TRPM7: variants seen among roughly 807,000 people sequenced by gnomAD.
TRPM7 encodes LTRPC ion channel family member 7.
TRPM7 carries 134 observed loss-of-function variants against 229.7 expected under a neutral mutation model. The ratio of observed to expected loss-of-function variants is 0.58; its 90% CI spans 0.51 to 0.67. TRPM7 has a LOEUF of 0.67. TRPM7 is among the 30% of genes least tolerant of loss of function. TRPM7 has a pLI of 0.00. For synonymous variants in TRPM7, 699 were observed against 715.2 expected, an observed-to-expected ratio of 0.98 and a Z score of 0.36; for missense variants, 1,901 against 2,210.0, an observed-to-expected ratio of 0.86 and a Z score of 2.80.
chr15:50,672,165 T>G (rs1230282650), intron 1 of TRPM7, among the ~76,000 whole-genome samples: 1 of 152,098 alleles, frequency 6.6e-6, no homozygotes, highest in Non-Finnish European at 1.5e-5. Flanking sequence ...GCCATTCTCC[T>G]GCCTCAGCCT....
intron 3 of TRPM7, among the ~76,000 whole-genome samples, chr15:50,657,454 C>A (rs1004197107): frequency 6.6e-6 from 1 of 152,148 alleles, no homozygotes; most frequent in Non-Finnish European, 1.5e-5. Context: ...AGGCCCAAAT[C>A]TCTCAAATCT....
intron 21 of TRPM7, among the ~76,000 whole-genome samples, chr15:50,601,602 A>G (rs1317145314): frequency 6.6e-6 from 1 of 152,192 alleles, no homozygotes; most frequent in East Asian, 1.9e-4. Flanking sequence ...AGATCGCGCC[A>G]CTGAACTCCA....
chr15:50,631,617 T>C (rs892674990), intron 9 of TRPM7, 128 bp from the exon 10 acceptor site: 5 of 507,042 alleles, frequency 9.9e-6, no homozygotes, highest in Admixed American at 3.3e-5. Flanking sequence ...CTATGTATTA[T>C]GTATATATAA....
intron 20 of TRPM7, 152 bp from the exon 21 acceptor site, chr15:50,605,296 G>T: frequency 1.5e-6 from 1 of 687,974 alleles, no homozygotes; most frequent in Non-Finnish European, 2.2e-6. Context: ...TATTGCCCAG[G>T]GTGGAGTGCA....
intron 1 of TRPM7, among the ~76,000 whole-genome samples, chr15:50,666,923 TTC>T (rs1219612852): frequency 2.0e-5 from 3 of 152,206 alleles, no homozygotes; most frequent in African/African-American, 7.2e-5. Flanking sequence ...GTAGCCATTC[TTC>T]TGTTTCTTTA....
chr15:50,569,137 C>T (rs1196507200), intron 38 of TRPM7, among the ~76,000 whole-genome samples: 4 of 152,040 alleles, frequency 2.6e-5, no homozygotes, highest in Non-Finnish European at 5.9e-5. Context: ...TGAGCTCAAG[C>T]GATCCTCTGG....
intron 38 of TRPM7, 64 bp downstream of exon 38, chr15:50,569,823 G>T: frequency 2.0e-6 from 2 of 996,480 alleles, no homozygotes; most frequent in Non-Finnish European, 1.5e-6. Context: ...CTGGCCTTAT[G>T]AGGTATTGTA....
chr15:50,570,919 A>G (rs1235074803), intron 36 of TRPM7, among the ~76,000 whole-genome samples: 1 of 152,128 alleles, frequency 6.6e-6, no homozygotes, highest in African/African-American at 2.4e-5. Context: ...AACCACACAC[A>G]TTAACACATA....
chr15:50,637,330 A>T (rs1218118160), intron 7 of TRPM7, 92 bp downstream of exon 7: 3 of 1,157,576 alleles, frequency 2.6e-6, no homozygotes, highest in African/African-American at 3.1e-5. Context: ...TGTAAGAAAG[A>T]GCACTTCAAA....
At chr15:50,584,224 A>T (rs558037424) in intron 28 of TRPM7, among the ~76,000 whole-genome samples, 2 of 152,342 alleles carry the variant, frequency 1.3e-5, no homozygotes, top group South Asian at 4.1e-4. Context: ...TCTCAGAACA[A>T]AATTTGTATT....
intron 1 of TRPM7, among the ~76,000 whole-genome samples, chr15:50,680,430 T>C (rs1219318749): frequency 1.3e-5 from 2 of 150,082 alleles, no homozygotes; most frequent in Admixed American, 6.7e-5. Flanking sequence ...AGTAGCCCAA[T>C]GTGGTGGCGC....
chr15:50,610,106 A>G (rs919408179), intron 17 of TRPM7, 145 bp from the exon 18 acceptor site: 5 of 603,482 alleles, frequency 8.3e-6, no homozygotes, highest in Non-Finnish European at 1.4e-5. Context: ...GGGAAAAAAA[A>G]CAACAAATTG....
At chr15:50,650,322 C>T (rs1329487495) in intron 3 of TRPM7, among the ~76,000 whole-genome samples, 2 of 151,776 alleles carry the variant, frequency 1.3e-5, no homozygotes, top group African/African-American at 2.4e-5. Context: ...TTCCCACCAG[C>T]CAGAGTAGAG....
At chr15:50,649,807 A>G (rs1037471666) in intron 3 of TRPM7, among the ~76,000 whole-genome samples, 1 of 152,146 alleles carries the variant, frequency 6.6e-6, no homozygotes, top group Non-Finnish European at 1.5e-5. Context: ...AAGCCAAGGC[A>G]GCTAGAGTTT....
rs117651690 is a variant in TRPM7, at chr15:50,643,800, C to G, written c.322-247G>C. Among the ~76,000 whole-genome samples the G allele has an allele frequency of 7.9e-3, 1,201 of 152,260 alleles. 9 individuals carry two copies. Among genetic ancestry groups the G allele is most frequent in the Non-Finnish European group, 0.014 (928 of 68,018 alleles). Reference sequence around the variant, plus strand: ...TTTAAACATTTAGACACAAATGTTACTCTTTCTGTTTAAACTCAATTACCA... The same window carrying G: ...TTTAAACATTTAGACACAAATGTTAGTCTTTCTGTTTAAACTCAATTACCA... On this transcript the variant is annotated intron_variant, in intron 4 of 38. Transcript: ENST00000646667.
chr15:50,649,429 C>A (rs1343256579), intron 3 of TRPM7, among the ~76,000 whole-genome samples: 1 of 147,290 alleles, frequency 6.8e-6, no homozygotes, highest in Admixed American at 7.0e-5. Flanking sequence ...ACAAGCAAGA[C>A]CCCAACTCAA....
intron 28 of TRPM7, 137 bp from the exon 29 acceptor site, chr15:50,583,296 A>G (rs1478693609): frequency 1.6e-5 from 8 of 496,764 alleles, no homozygotes; most frequent in African/African-American, 4.0e-5. Context: ...GCTGAACACA[A>G]GAGTTACATG....
intron 29 of TRPM7, among the ~76,000 whole-genome samples, chr15:50,581,371 C>T (rs1335017672): frequency 1.3e-5 from 2 of 151,924 alleles, no homozygotes; most frequent in South Asian, 2.1e-4. Context: ...TGGTGGCGGG[C>T]GCCTATAATC....
At chr15:50,607,471 T>C in intron 19 of TRPM7, 143 bp from the exon 20 acceptor site, 1 of 671,576 alleles carries the variant, frequency 1.5e-6, no homozygotes, top group Non-Finnish European at 2.4e-6. Context: ...AAAACAATTT[T>C]AGAAATATCT....
Sources: allele counts gnomAD v4.1 joint callset (sites outside exome capture counted in the v4.1 genomes callset), GRCh38; gene constraint gnomAD v4.1.1; transcripts MANE v1.5; gene names NCBI Gene and HGNC (gene_info 2026-07-23, HGNC 2026-07-21).